The following BCCIP variants were observed in gnomAD, a reference collection of about 807,000 sequenced individuals.
The protein encoded by BCCIP is BRCA2 and CDKN1A interacting protein.
A neutral mutation model predicts 32.8 loss-of-function variants in BCCIP; 23 were observed. The observed-to-expected ratio is 0.70, with a 90% confidence interval of 0.51 to 0.99. The LOEUF is 0.99. BCCIP is among the 50% of genes least tolerant of loss of function. The pLI, the probability that BCCIP is intolerant of heterozygous loss-of-function variation, is 0.00. For missense variants in BCCIP, 378 were observed against 379.8 expected (o/e 1.00, Z 0.04); for synonymous variants, 144 against 137.6 (o/e 1.05, Z -0.33).
downstream of BCCIP, among the ~76,000 whole-genome samples, chr10:125,840,410 C>A (rs1388251664): frequency 4.6e-5 from 7 of 152,232 alleles, no homozygotes; most frequent in African/African-American, 1.7e-4. Context: ...ACCTATTCTG[C>A]ACTAGTATCT....
At chr10:125,834,045 C>G in intron 6 of BCCIP, 99 bp downstream of exon 6, 1 of 1,320,630 alleles carries the variant, frequency 7.6e-7, no homozygotes, top group Admixed American at 1.8e-5. Context: ...CCAAGTCTTT[C>G]AAGTGTGGCT....
At chr10:125,839,186 A>G (rs147501142), downstream of BCCIP, 12 of 1,613,336 alleles carry the variant, frequency 7.4e-6, no homozygotes, top group African/African-American at 1.2e-4. Context: ...TTTTCCACAC[A>G]GTCTAGGAGG....
At chr10:125,847,896 T>G (rs910579214) in intron 7 of BCCIP, among the ~76,000 whole-genome samples, 13 of 152,110 alleles carry the variant, frequency 8.5e-5, no homozygotes. Flanking sequence ...GCCACTGATC[T>G]GACAGGAGGT....
chr10:125,836,800 T>A, downstream of BCCIP: 3 of 1,614,170 alleles, frequency 1.9e-6, no homozygotes, highest in Non-Finnish European at 2.5e-6. Context: ...AGAATGTCCT[T>A]ACTTTCACTA....
At chr10:125,850,029 C>T (rs1037568915) in intron 7 of BCCIP, among the ~76,000 whole-genome samples, 2 of 151,744 alleles carry the variant, frequency 1.3e-5, no homozygotes, top group African/African-American at 2.4e-5. Flanking sequence ...TACAGTAGCA[C>T]GATCATAGCT....
chr10:125,824,081 T>TCC (rs1854280020), intron 1 of BCCIP, among the ~76,000 whole-genome samples: 1 of 152,164 alleles, frequency 6.6e-6, no homozygotes, highest in African/African-American at 2.4e-5. Flanking sequence ...GCAGCTGTCC[T>TCC]CCTCTTCACT....
downstream of BCCIP, chr10:125,836,912 C>G (rs2134018673): frequency 6.7e-7 from 1 of 1,500,220 alleles, no homozygotes; most frequent in East Asian, 2.3e-5. Context: ...TGAGAGACAC[C>G]AAACATTATG....
rs569774721 is a variant in BCCIP at position 125,842,054 on chromosome 10, G to T, written c.*695G>T. The T allele has an allele frequency of 2.5e-4, 323 of 1,272,628 alleles. 5 individuals are homozygous for T. In the South Asian group the frequency reaches 5.6e-3, roughly 22 times the overall value. 78.8% of individuals were successfully genotyped at this position (1,272,628 alleles called of 1,614,324 possible). A position where few individuals can be genotyped will look rare whatever the true frequency, so the allele number is the denominator to read the frequency against. On this transcript the variant is annotated 3_prime_UTR_variant, in exon 7 of 7. Transcript: ENST00000299130. ...CAATGGACAAAATATGTGAAACAACGGTTTGCAAGCCACCAAATACCAGGG... is the reference window on the plus strand; with the variant it reads ...CAATGGACAAAATATGTGAAACAACTGTTTGCAAGCCACCAAATACCAGGG...
At chr10:125,839,862 C>T (rs910851530), downstream of BCCIP, among the ~76,000 whole-genome samples, 1 of 152,166 alleles carries the variant, frequency 6.6e-6, no homozygotes, top group African/African-American at 2.4e-5. Context: ...TTACCCTGTC[C>T]TGTCCACTCA....
chr10:125,849,030 T>C (rs118158476), intron 7 of BCCIP, among the ~76,000 whole-genome samples: 10 of 152,280 alleles, frequency 6.6e-5, no homozygotes, highest in Non-Finnish European at 1.3e-4. Flanking sequence ...ATGGGGACCA[T>C]CTACCCCAGT....
At chr10:125,841,776 C>T (rs748857701) in exon 7 of BCCIP, 1 of 1,612,658 alleles carries the variant, frequency 6.2e-7, no homozygotes, top group Non-Finnish European at 8.5e-7. Flanking sequence ...AGCACTTCAT[C>T]TACACAGTCA....
downstream of BCCIP, among the ~76,000 whole-genome samples, chr10:125,846,047 C>T (rs185316649): frequency 8.0e-4 from 122 of 152,340 alleles, no homozygotes; most frequent in Admixed American, 4.1e-3. Flanking sequence ...GTCTCCCACA[C>T]GTGACTGCCT....
At chr10:125,850,272 C>A (rs1260532073) in intron 7 of BCCIP, among the ~76,000 whole-genome samples, 1 of 151,994 alleles carries the variant, frequency 6.6e-6, no homozygotes, top group Non-Finnish European at 1.5e-5. Context: ...GCCACCATGC[C>A]CAGCCCTGCA....
At chr10:125,830,493 C>T in intron 3 of BCCIP, 69 bp from the exon 4 acceptor site, 1 of 1,054,840 alleles carries the variant, frequency 9.5e-7, no homozygotes, top group Non-Finnish European at 1.3e-6. Context: ...GCCTACATCC[C>T]AAGACTTGGT....
At chr10:125,843,659 C>T (rs1350719425), downstream of BCCIP, among the ~76,000 whole-genome samples, 1 of 152,154 alleles carries the variant, frequency 6.6e-6, no homozygotes, top group Non-Finnish European at 1.5e-5. Flanking sequence ...AAAATTCCTC[C>T]ATTCCTGTCA....
downstream of BCCIP, chr10:125,838,257 C>G: frequency 1.9e-6 from 3 of 1,612,994 alleles, no homozygotes; most frequent in South Asian, 3.3e-5. Context: ...CTCAGAAATG[C>G]TGAATTTATG....
At chr10:125,835,452 A>G (rs558509573) in intron 6 of BCCIP, among the ~76,000 whole-genome samples, 56 of 150,876 alleles carry the variant, frequency 3.7e-4, no homozygotes, top group Non-Finnish European at 5.6e-4. Flanking sequence ...AATGGTGGGC[A>G]CCGGTAGTCC....
intron 7 of BCCIP, chr10:125,852,195 T>G: frequency 1.4e-6 from 2 of 1,426,442 alleles, no homozygotes; most frequent in South Asian, 1.3e-5. Flanking sequence ...TCCATGCTTG[T>G]GTGCATTGCT....
chr10:125,838,237 T>G, downstream of BCCIP: 1 of 1,611,672 alleles, frequency 6.2e-7, no homozygotes, highest in Non-Finnish European at 8.5e-7. Flanking sequence ...GTAATCCTGA[T>G]GTAGTTGTTC....
Sources: allele counts gnomAD v4.1 joint callset (sites outside exome capture counted in the v4.1 genomes callset), GRCh38; gene constraint gnomAD v4.1.1; transcripts MANE v1.5; gene names NCBI Gene and HGNC (gene_info 2026-07-23, HGNC 2026-07-21).